SLC6A6: variants seen among roughly 807,000 people sequenced by gnomAD.
SLC6A6 encodes the protein sodium- and chloride-dependent taurine transporter.
In SLC6A6, 16 loss-of-function variants were observed where a neutral mutation model predicts 68.8. The observed-to-expected ratio is 0.23, with a 90% CI of 0.16 to 0.35. The LOEUF (loss-of-function observed/expected upper bound fraction) is 0.35, where lower values mean the gene tolerates loss of function less well. SLC6A6 is among the 10% of genes least tolerant of loss of function. The probability of loss-of-function intolerance (pLI) is 1.00; values close to 1 mark genes in which losing one functional copy is unlikely to be tolerated. For synonymous variants in SLC6A6, 312 were observed against 315.4 expected (o/e 0.99, Z 0.12); for missense variants, 474 against 802.8 (o/e 0.59, Z 4.95).
At chr3:14,471,011 T>C (rs188532511) in intron 9 of SLC6A6, among the ~76,000 whole-genome samples, 10 of 152,362 alleles carry the variant, frequency 6.6e-5, no homozygotes, top group African/African-American at 2.2e-4. Context: ...TGGTTTCTGG[T>C]TCCAATTTAT....
At chr3:14,434,760 C>T (rs2124929324) in intron 2 of SLC6A6, among the ~76,000 whole-genome samples, 1 of 152,292 alleles carries the variant, frequency 6.6e-6, no homozygotes, top group East Asian at 1.9e-4. Context: ...CCTTCTCAGG[C>T]CATCCTGCCA....
At position 14,418,111 on chromosome 3, in the gene SLC6A6, C is replaced by T. The variant is rs184730994; in HGVS notation, c.-12+1658C>T. On this transcript the variant is annotated intron_variant, in intron 2 of 14. Transcript: ENST00000622186. ...AAGTTTCTCAGATCATCCTCGTACTCGCCATCTGCTGTGCTCTGGTCTGCT... is the reference window on the plus strand; with the variant it reads ...AAGTTTCTCAGATCATCCTCGTACTTGCCATCTGCTGTGCTCTGGTCTGCT... Among the ~76,000 whole-genome samples, 677 of 152,326 alleles carry T rather than the reference C, an allele frequency of 4.4e-3. 2 individuals are homozygous for T. Among genetic ancestry groups the T allele is most frequent in the Non-Finnish European group, 7.1e-3 (486 of 68,036 alleles).
At chr3:14,449,579 G>C (rs1700209207) in intron 5 of SLC6A6, among the ~76,000 whole-genome samples, 1 of 152,174 alleles carries the variant, frequency 6.6e-6, no homozygotes, top group Non-Finnish European at 1.5e-5. Context: ...GCCTGGGTTT[G>C]AACCCTCACT....
rs1349439541 is a variant in SLC6A6 at position 14,449,650 on chromosome 3, A to C, written c.599+1834A>C. Among the ~76,000 whole-genome samples, 3 of 152,298 alleles carry C rather than the reference A, an allele frequency of 2.0e-5. No homozygotes were observed. The East Asian group carries it at 5.8e-4, about 29-fold the overall frequency. On this transcript the variant is annotated intron_variant, in intron 5 of 14. Transcript: ENST00000622186. ...TCTGGGCCGTGGTATCCTCACCTGCACCTGGGGAGATGGCAGTGCTGACAT... is the reference window on the plus strand; with the variant it reads ...TCTGGGCCGTGGTATCCTCACCTGCCCCTGGGGAGATGGCAGTGCTGACAT...
At chr3:14,482,512 C>G (rs994756463) in intron 14 of SLC6A6, among the ~76,000 whole-genome samples, 4 of 152,250 alleles carry the variant, frequency 2.6e-5, no homozygotes, top group Admixed American at 6.5e-5. Context: ...TCTCCCTTAA[C>G]CTTTTGAGCT....
intron 5 of SLC6A6, among the ~76,000 whole-genome samples, chr3:14,452,148 T>A (rs868449338): frequency 4.6e-5 from 7 of 152,080 alleles, no homozygotes; most frequent in Non-Finnish European, 7.4e-5. Context: ...CCTCCCTCTG[T>A]TTTCACAGAG....
intron 5 of SLC6A6, among the ~76,000 whole-genome samples, chr3:14,454,665 TA>T (rs558795841): frequency 1.7e-3 from 265 of 152,344 alleles, no homozygotes; most frequent in Non-Finnish European, 2.8e-3. Flanking sequence ...TGGCCCGTTA[TA>T]AAGCTTTTCA....
chr3:14,427,230 C>T (rs1165620801), intron 2 of SLC6A6, among the ~76,000 whole-genome samples: 1 of 148,740 alleles, frequency 6.7e-6, no homozygotes, highest in African/African-American at 2.6e-5. Context: ...CCAGATTAGC[C>T]CCAGCATGAG....
chr3:14,420,908 T>G (rs1699470942), intron 2 of SLC6A6, among the ~76,000 whole-genome samples: 1 of 152,262 alleles, frequency 6.6e-6, no homozygotes, highest in South Asian at 2.1e-4. Context: ...CGAACTTTTT[T>G]GTCTGGCAAA....
intron 2 of SLC6A6, among the ~76,000 whole-genome samples, chr3:14,418,154 A>G (rs1699407492): frequency 6.6e-6 from 1 of 152,196 alleles, no homozygotes; most frequent in African/African-American, 2.4e-5. Context: ...CCTTTAGTAA[A>G]AAAGATGGCC....
Position 14,447,464 on chromosome 3 carries a change from T to C in SLC6A6, c.365-118T>C, listed in dbSNP as rs570029858. The C allele has an allele frequency of 2.1e-4, 266 of 1,290,500 alleles. No homozygotes were observed. In the African/African-American group the frequency reaches 3.4e-3, roughly 17 times the overall value. 79.9% of individuals were successfully genotyped at this position (1,290,500 alleles called of 1,614,324 possible). On this transcript the variant is annotated intron_variant, in intron 4 of 14. Transcript: ENST00000622186. The stretch of plus-strand genomic sequence containing the variant: ...CCCTATAAATATTTGGTGGTCACTG[T>C]TGAAAGGCCTCTTGTGGCCTGGGGC...
chr3:14,417,938 T>G (rs1262538888), intron 2 of SLC6A6, among the ~76,000 whole-genome samples: 1 of 152,168 alleles, frequency 6.6e-6, no homozygotes, highest in African/African-American at 2.4e-5. Context: ...TTAAGGGATG[T>G]CTCCTTCGCT....
Position 14,443,626 on chromosome 3 carries a change from A to G in SLC6A6, c.-9A>G, listed in dbSNP as rs1700042293. 7 of 1,599,890 alleles carry G rather than the reference A, an allele frequency of 4.4e-6. No homozygotes were observed. Among genetic ancestry groups the G allele is most frequent in the East Asian group, 2.2e-5 (1 of 44,628 alleles). On this transcript the variant is annotated splice_region_variant and 5_prime_UTR_variant, in exon 3 of 15. Coordinates refer to ENST00000622186, the MANE Select transcript of SLC6A6 (RefSeq NM_003043.6). ...TGCTTCTCTTTTGTCCCCCATAGAA[A>G]GCAAGGAGATGGCCACCAAGGAGAA...
At chr3:14,421,660 A>G (rs2341965) in intron 2 of SLC6A6, among the ~76,000 whole-genome samples, 1 of 152,230 alleles carries the variant, frequency 6.6e-6, no homozygotes, top group Admixed American at 6.5e-5. Context: ...GCAGCCCTCT[A>G]CAGTTTGCAC....
At chr3:14,482,405 C>T (rs1375807263) in intron 14 of SLC6A6, among the ~76,000 whole-genome samples, 1 of 152,256 alleles carries the variant, frequency 6.6e-6, no homozygotes, top group Non-Finnish European at 1.5e-5. Flanking sequence ...CTGGCCCCAC[C>T]TACCTTCAGC....
chr3:14,446,811 A>G (rs1700132435), intron 4 of SLC6A6, among the ~76,000 whole-genome samples: 1 of 152,238 alleles, frequency 6.6e-6, no homozygotes, highest in Non-Finnish European at 1.5e-5. Flanking sequence ...CATCAAATGA[A>G]TGGTAGCTTC....
In SLC6A6 at chr3:14,481,882, G is replaced by T. The variant is rs766367137; in HGVS notation, c.1722+41G>T. Reference sequence around the variant, plus strand: ...CAGGGCCAGGGGAGGTGGGAGGCGCGAGGCCAAAGGTGATTGTTGTCAGTT... The same window carrying T: ...CAGGGCCAGGGGAGGTGGGAGGCGCTAGGCCAAAGGTGATTGTTGTCAGTT... On this transcript the variant is annotated intron_variant, in intron 14 of 14. Transcript: ENST00000622186. The surrounding 1 kb of genome is among the most constrained non-coding windows in gnomAD (Gnocchi z 4.7). The T allele has an allele frequency of 6.4e-7, 1 of 1,550,438 alleles. No homozygotes were observed.
chr3:14,420,845 G>C (rs1176804906), intron 2 of SLC6A6, among the ~76,000 whole-genome samples: 1 of 152,228 alleles, frequency 6.6e-6, no homozygotes, highest in African/African-American at 2.4e-5. Context: ...CCCCTTGAAA[G>C]TGTACAATTC....
chr3:14,439,670 A>G (rs775042542), intron 2 of SLC6A6, among the ~76,000 whole-genome samples: 1 of 152,164 alleles, frequency 6.6e-6, no homozygotes, highest in Non-Finnish European at 1.5e-5. Flanking sequence ...AGTGCCAAGG[A>G]AAACAGCCCT....
Sources: allele counts gnomAD v4.1 joint callset (sites outside exome capture counted in the v4.1 genomes callset), GRCh38; gene constraint gnomAD v4.1.1; non-coding constraint Gnocchi (gnomAD v3.1); transcripts MANE v1.5; gene names NCBI Gene and HGNC (gene_info 2026-07-23, HGNC 2026-07-21).